The following MAP4K3 variants were observed in gnomAD, a reference collection of about 807,000 sequenced individuals.
MAP4K3 encodes the protein mitogen-activated protein kinase kinase kinase kinase 3.
A neutral mutation model predicts 143.5 loss-of-function variants in MAP4K3; 94 were observed. That is an observed-to-expected ratio of 0.65 (90% CI 0.55 to 0.78). MAP4K3 has a LOEUF of 0.78. Among genes scored for constraint, MAP4K3 ranks in the 30% least tolerant of loss-of-function variants. The pLI is 0.00. For missense variants in MAP4K3, 1,077 were observed against 1,068.1 expected (o/e 1.01, Z -0.12); for synonymous variants, 416 against 347.2 (o/e 1.20, Z -2.20).
chr2:39,255,904 C>T (rs369579753), intron 31 of MAP4K3, among the ~76,000 whole-genome samples: 79 of 152,280 alleles, frequency 5.2e-4, no homozygotes, highest in African/African-American at 1.9e-3. Flanking sequence ...ATCCACTGAA[C>T]CTGTGGATTA....
chr2:39,385,980 G>GT (rs1194484285), intron 1 of MAP4K3, among the ~76,000 whole-genome samples: 1 of 152,078 alleles, frequency 6.6e-6, no homozygotes, highest in Non-Finnish European at 1.5e-5. Context: ...TGTTAACAGT[G>GT]TTTTTTGCAG....
chr2:39,374,293 C>T (rs779455336), intron 2 of MAP4K3, among the ~76,000 whole-genome samples: 3 of 151,956 alleles, frequency 2.0e-5, no homozygotes, highest in Admixed American at 2.0e-4. Flanking sequence ...TGCTTGAACC[C>T]GGAGGCGGAG....
intron 2 of MAP4K3, among the ~76,000 whole-genome samples, chr2:39,361,179 T>C (rs1007934445): frequency 2.6e-5 from 4 of 152,170 alleles, no homozygotes; most frequent in African/African-American, 9.7e-5. Flanking sequence ...TCTTTCTCTC[T>C]GTTTCCCTCT....
intron 1 of MAP4K3, among the ~76,000 whole-genome samples, chr2:39,392,320 T>C (rs1277374210): frequency 6.6e-6 from 1 of 151,970 alleles, no homozygotes; most frequent in African/African-American, 2.4e-5. Context: ...GAAAAATGCA[T>C]ATTTTTTAAT....
At chr2:39,413,614 A>T (rs542486938) in intron 1 of MAP4K3, among the ~76,000 whole-genome samples, 1 of 152,276 alleles carries the variant, frequency 6.6e-6, no homozygotes, top group East Asian at 1.9e-4. Context: ...AGAGGTGCAG[A>T]GTCCAGGAAT....
At chr2:39,403,081 C>T (rs1572492826) in intron 1 of MAP4K3, among the ~76,000 whole-genome samples, 1 of 152,100 alleles carries the variant, frequency 6.6e-6, no homozygotes, top group Non-Finnish European at 1.5e-5. Context: ...CCTCCAAACC[C>T]AGATGGCTTT....
chr2:39,360,125 C>T (rs1051291499), intron 2 of MAP4K3, among the ~76,000 whole-genome samples: 3 of 152,140 alleles, frequency 2.0e-5, no homozygotes, highest in East Asian at 1.9e-4. Flanking sequence ...TCCTCTTGAA[C>T]GCTTGGCTCC....
At chr2:39,295,290 T>C (rs986891030) in intron 16 of MAP4K3, among the ~76,000 whole-genome samples, 8 of 150,540 alleles carry the variant, frequency 5.3e-5, no homozygotes, top group Non-Finnish European at 1.2e-4. Flanking sequence ...AGAATGGAGA[T>C]TTTTTTTTAA....
At chr2:39,418,653 T>C (rs867330639) in intron 1 of MAP4K3, among the ~76,000 whole-genome samples, 21 of 152,206 alleles carry the variant, frequency 1.4e-4, no homozygotes, top group African/African-American at 3.9e-4. Context: ...AAAGTTAATA[T>C]TGCCAGTGAT....
chr2:39,337,570 G>C lies in MAP4K3; in HGVS notation c.322C>G (p.Leu108Val). Residue 108 changes from leucine to valine, a missense_variant, in exon 5 of 34, where the codon CTG becomes GTG. Leu to Val is a conservative substitution (Grantham distance 32). Around this residue, in one of 2 missense-constraint regions of MAP4K3, gnomAD observed 213 missense variants for 266.8 expected, o/e 0.80. Coordinates refer to ENST00000263881, the MANE Select transcript of MAP4K3 (RefSeq NM_003618.4). ...ACATATGCAATTTGCAGTTCTGACAGAGGTCCAGTTACTGTAAAAGAAGAC... is the reference window on the plus strand; with the variant it reads ...ACATATGCAATTTGCAGTTCTGACACAGGTCCAGTTACTGTAAAAGAAGAC... ...LQDIYHVTGPLSELQIAYVSR... is the reference protein window; with the variant it reads ...LQDIYHVTGPVSELQIAYVSR... 2 of 1,609,508 alleles carry C rather than the reference G, an allele frequency of 1.2e-6. No individual in the cohort carries two copies. The highest frequency in any genetic ancestry group is 1.7e-6 in the Non-Finnish European group (2 of 1,176,304).
intron 24 of MAP4K3, among the ~76,000 whole-genome samples, chr2:39,277,864 C>G (rs953946223): frequency 6.6e-6 from 1 of 151,596 alleles, no homozygotes; most frequent in Non-Finnish European, 1.5e-5. Context: ...CCATGCTCGG[C>G]GTCATGAGGA....
chr2:39,265,785 T>C (rs1053756160), intron 27 of MAP4K3, among the ~76,000 whole-genome samples: 7 of 152,300 alleles, frequency 4.6e-5, no homozygotes, highest in Admixed American at 3.3e-4. Context: ...TTTGATTCAA[T>C]TCTTATGGTC....
At chr2:39,266,199 C>A (rs1454652675) in intron 27 of MAP4K3, among the ~76,000 whole-genome samples, 1 of 152,214 alleles carries the variant, frequency 6.6e-6, no homozygotes, top group Non-Finnish European at 1.5e-5. Flanking sequence ...CCAACCTTGT[C>A]ATCCTCTTTT....
At chr2:39,387,602 C>T (rs1360884313) in intron 1 of MAP4K3, among the ~76,000 whole-genome samples, 1 of 152,210 alleles carries the variant, frequency 6.6e-6, no homozygotes, top group African/African-American at 2.4e-5. Flanking sequence ...AGTGTCACAG[C>T]ATGCAGGACT....
intron 4 of MAP4K3, among the ~76,000 whole-genome samples, chr2:39,340,765 G>C (rs1367689188): frequency 1.3e-5 from 2 of 152,032 alleles, no homozygotes; most frequent in African/African-American, 4.8e-5. Flanking sequence ...AATGGAGGGA[G>C]ATATAAAATA....
At chr2:39,364,225 A>G (rs1164959768) in intron 2 of MAP4K3, among the ~76,000 whole-genome samples, 1 of 152,200 alleles carries the variant, frequency 6.6e-6, no homozygotes, top group Admixed American at 6.5e-5. Context: ...AGGAAGCAGA[A>G]TGGTCATGGC....
intron 3 of MAP4K3, among the ~76,000 whole-genome samples, chr2:39,345,565 G>T (rs145585429): frequency 2.0e-5 from 3 of 152,060 alleles, no homozygotes. Flanking sequence ...CTATCAGAGC[G>T]CAAAGGTCAA....
chr2:39,335,958 A>G (rs1664943616), intron 6 of MAP4K3, among the ~76,000 whole-genome samples: 1 of 152,196 alleles, frequency 6.6e-6, no homozygotes, highest in Non-Finnish European at 1.5e-5. Context: ...TCTTTATGTT[A>G]GAGAAAATGT....
At chr2:39,316,258 T>A (rs1414782343) in intron 12 of MAP4K3, among the ~76,000 whole-genome samples, 1 of 152,116 alleles carries the variant, frequency 6.6e-6, no homozygotes, top group Non-Finnish European at 1.5e-5. Context: ...ATACTCTGAA[T>A]GTCCAATATA....
Sources: gnomAD v4.1 joint callset for allele counts (sites outside exome capture counted in the v4.1 genomes callset) on GRCh38, gnomAD v4.1.1 for gene constraint, gnomAD v4.1.1 regional missense constraint, MANE v1.5 for transcripts, NCBI Gene and HGNC (gene_info 2026-07-23, HGNC 2026-07-21) for gene names.